SUGCT: variants seen among roughly 807,000 people sequenced by gnomAD.
The protein encoded by SUGCT is succinyl-CoA:glutarate-CoA transferase.
In SUGCT, 41 loss-of-function variants were observed where a neutral mutation model predicts 55.0. That is an observed-to-expected ratio of 0.74 (90% CI 0.58 to 0.97). SUGCT has a LOEUF of 0.97. Among genes scored for constraint, SUGCT ranks in the 50% least tolerant of loss-of-function variants. The probability of loss-of-function intolerance (pLI) is 0.00; values close to 1 mark genes in which losing one functional copy is unlikely to be tolerated. For synonymous variants in SUGCT, 187 were observed against 200.4 expected (o/e 0.93, Z 0.56); for missense variants, 568 against 547.8 (o/e 1.04, Z -0.37).
At chr7:40,417,151 G>T (rs1367630238) in intron 9 of SUGCT, among the ~76,000 whole-genome samples, 1 of 151,806 alleles carries the variant, frequency 6.6e-6, no homozygotes, top group Admixed American at 6.6e-5. Flanking sequence ...AGACCTGTGA[G>T]AATTTTTGCA....
chr7:40,637,068 G>A (rs1220815648), intron 12 of SUGCT, among the ~76,000 whole-genome samples: 1 of 152,154 alleles, frequency 6.6e-6, no homozygotes, highest in Non-Finnish European at 1.5e-5. Context: ...CCCGAAAGGG[G>A]AGCTACTTTT....
At chr7:40,450,338 A>C (rs1182868515) in intron 10 of SUGCT, among the ~76,000 whole-genome samples, 6 of 151,940 alleles carry the variant, frequency 3.9e-5, no homozygotes, top group Admixed American at 3.3e-4. Flanking sequence ...GTTTTAATCC[A>C]AGTAATAGAA....
chr7:40,206,770 G>T (rs1001292924), intron 6 of SUGCT, among the ~76,000 whole-genome samples: 2 of 152,158 alleles, frequency 1.3e-5, no homozygotes, highest in East Asian at 1.9e-4. Context: ...TGTTTAGGAA[G>T]TAATGACAAG....
the SUGCT span, among the ~76,000 whole-genome samples, chr7:41,013,185 G>A: frequency 3.3e-5 from 5 of 152,196 alleles, no homozygotes; most frequent in Admixed American, 6.5e-5. Context: ...TTCAAACTGC[G>A]GAAATAATAC....
chr7:40,262,840 A>C (rs1375750868), intron 7 of SUGCT, among the ~76,000 whole-genome samples: 3 of 152,234 alleles, frequency 2.0e-5, no homozygotes, highest in Non-Finnish European at 2.9e-5. Flanking sequence ...TGGTAGCAAA[A>C]AGAACAGAAG....
At chr7:40,464,844 TG>T (rs1790014667) in intron 11 of SUGCT, among the ~76,000 whole-genome samples, 1 of 152,204 alleles carries the variant, frequency 6.6e-6, no homozygotes, top group South Asian at 2.1e-4. Flanking sequence ...TCAGTCAGTT[TG>T]GTAGGTTAGG....
At chr7:40,515,493 G>A (rs79769730) in intron 12 of SUGCT, among the ~76,000 whole-genome samples, 4,138 of 152,074 alleles carry the variant, frequency 0.027, 188 homozygotes, top group African/African-American at 0.096. Flanking sequence ...TCCCCTTATC[G>A]CTGGTAACCT....
At chr7:40,948,978 G>T in the SUGCT span, among the ~76,000 whole-genome samples, 6 of 152,302 alleles carry the variant, frequency 3.9e-5, no homozygotes, top group Non-Finnish European at 1.5e-5. Context: ...CCAGTAATGG[G>T]ATGGCTGGGT....
chr7:40,815,909 G>A (rs910339449), intron 13 of SUGCT, among the ~76,000 whole-genome samples: 1 of 151,750 alleles, frequency 6.6e-6, no homozygotes, highest in Non-Finnish European at 1.5e-5. Context: ...CTCAGGCTGC[G>A]AAACCACACA....
chr7:40,137,132 T>G (rs1281116980), intron 1 of SUGCT, among the ~76,000 whole-genome samples: 1 of 152,042 alleles, frequency 6.6e-6, no homozygotes, highest in Non-Finnish European at 1.5e-5. Context: ...AACTTTATTA[T>G]TATTATTATG....
At chr7:41,030,735 T>C in the SUGCT span, among the ~76,000 whole-genome samples, 1 of 152,158 alleles carries the variant, frequency 6.6e-6, no homozygotes, top group Non-Finnish European at 1.5e-5. Context: ...TTTACAGTTA[T>C]GATAAAAAGT....
At chr7:40,180,815 T>C (rs1785154206) in intron 1 of SUGCT, 132 bp from the exon 2 acceptor site, 3 of 689,900 alleles carry the variant, frequency 4.3e-6, no homozygotes, top group Non-Finnish European at 2.5e-6. Context: ...TACTAGAGTC[T>C]TGTGGTCTGT....
chr7:40,915,454 C>T, the SUGCT span, among the ~76,000 whole-genome samples: 1 of 152,128 alleles, frequency 6.6e-6, no homozygotes, highest in Non-Finnish European at 1.5e-5. Flanking sequence ...AATGTTTAGT[C>T]TCTAAGAAAA....
intron 1 of SUGCT, among the ~76,000 whole-genome samples, chr7:40,147,679 T>C (rs1216786821): frequency 6.6e-6 from 1 of 152,352 alleles, no homozygotes. Flanking sequence ...TCCGCGTTGC[T>C]GAGAGCTCGG....
chr7:41,014,461 G>A, the SUGCT span, among the ~76,000 whole-genome samples: 1 of 150,530 alleles, frequency 6.6e-6, no homozygotes, highest in African/African-American at 2.4e-5. Flanking sequence ...AAAGTGAGAA[G>A]GGGCCTATTA....
intron 9 of SUGCT, among the ~76,000 whole-genome samples, chr7:40,398,872 G>T (rs1785905321): frequency 6.6e-6 from 1 of 152,170 alleles, no homozygotes; most frequent in Non-Finnish European, 1.5e-5. Context: ...AGATAAAAGT[G>T]ATTGTATTGA....
chr7:40,775,265 T>C (rs1340879035), intron 13 of SUGCT, among the ~76,000 whole-genome samples: 1 of 152,056 alleles, frequency 6.6e-6, no homozygotes, highest in Non-Finnish European at 1.5e-5. Context: ...CCAAAATGAG[T>C]GTGATATCCT....
At chr7:40,877,009 T>G in the SUGCT span, among the ~76,000 whole-genome samples, 6 of 152,316 alleles carry the variant, frequency 3.9e-5, no homozygotes, top group East Asian at 1.2e-3. Flanking sequence ...TACACACGCA[T>G]TTTTCTTTTT....
chr7:40,135,989 A>G (rs1787667163), intron 1 of SUGCT, among the ~76,000 whole-genome samples: 1 of 142,874 alleles, frequency 7.0e-6, no homozygotes, highest in African/African-American at 2.6e-5. Context: ...AATTAGTTGC[A>G]GGATGCAGGA....
Sources: allele counts gnomAD v4.1 joint callset (sites outside exome capture counted in the v4.1 genomes callset), GRCh38; gene constraint gnomAD v4.1.1; transcripts MANE v1.5; gene names NCBI Gene and HGNC (gene_info 2026-07-23, HGNC 2026-07-21).